Variants in SPTLC3 observed in about 807,000 individuals in gnomAD.
SPTLC3 encodes the protein serine palmitoyltransferase long chain base subunit 3, also known as serine palmitoyltransferase 3.
In SPTLC3, 36 loss-of-function variants were observed where a neutral mutation model predicts 59.3. That is an observed-to-expected ratio of 0.61 (90% confidence interval 0.47 to 0.80). The LOEUF (loss-of-function observed/expected upper bound fraction) is 0.80, where lower values mean the gene tolerates loss of function less well. SPTLC3 is among the 30% of genes least tolerant of loss of function. SPTLC3 has a pLI of 0.00. For synonymous variants in SPTLC3, 257 were observed against 240.8 expected (o/e 1.07, Z -0.62); for missense variants, 625 against 685.1 (o/e 0.91, Z 0.98).
In SPTLC3 at chr20:13,032,235, A is replaced by T. The variant is rs151244273; in HGVS notation, c.118-16710A>T. 3.3e-3 allele frequency among the ~76,000 whole-genome samples: 499 copies of T among 152,330 alleles called. 3 individuals are homozygous for T. The highest frequency in any genetic ancestry group is 0.011 in the African/African-American group (472 of 41,574). ...GTTATAAACAAGATCAGAATAATGC[A>T]GCCATTGCAGGATGGTGAAGGATAG... On this transcript the variant is annotated intron_variant, in intron 1 of 11. Transcript: ENST00000399002.
intron 6 of SPTLC3, among the ~76,000 whole-genome samples, chr20:13,098,586 A>G (rs1166473922): frequency 6.6e-6 from 1 of 152,222 alleles, no homozygotes; most frequent in Non-Finnish European, 1.5e-5. Flanking sequence ...AACATTCAGT[A>G]ACTTATTCTT....
At chr20:13,013,904 C>T (rs557751657) in intron 1 of SPTLC3, among the ~76,000 whole-genome samples, 2 of 152,272 alleles carry the variant, frequency 1.3e-5, no homozygotes, top group South Asian at 4.1e-4. Flanking sequence ...TGCTGCAGAT[C>T]AACTTGCCTG....
intron 6 of SPTLC3, among the ~76,000 whole-genome samples, chr20:13,107,341 A>G (rs1169514761): frequency 6.6e-6 from 1 of 152,232 alleles, no homozygotes; most frequent in Non-Finnish European, 1.5e-5. Context: ...GGGTTAAAAG[A>G]GGAAATAGTG....
At chr20:13,017,295 C>A (rs576354787) in intron 1 of SPTLC3, among the ~76,000 whole-genome samples, 10 of 152,278 alleles carry the variant, frequency 6.6e-5, no homozygotes, top group South Asian at 2.1e-4. Context: ...CATTAGTGAA[C>A]CTGTCACCTC....
At chr20:13,021,366 T>G (rs569462358) in intron 1 of SPTLC3, among the ~76,000 whole-genome samples, 2 of 152,332 alleles carry the variant, frequency 1.3e-5, no homozygotes, top group East Asian at 3.9e-4. Flanking sequence ...GACATTCTTC[T>G]TCAAAGGGTT....
intron 9 of SPTLC3, among the ~76,000 whole-genome samples, chr20:13,153,293 G>A (rs930140880): frequency 6.6e-6 from 1 of 152,106 alleles, no homozygotes; most frequent in Non-Finnish European, 1.5e-5. Flanking sequence ...ACACACTTAG[G>A]ACACAGGCTA....
chr20:13,119,093 G>C (rs961260962), intron 8 of SPTLC3, among the ~76,000 whole-genome samples: 11 of 152,306 alleles, frequency 7.2e-5, no homozygotes, highest in African/African-American at 2.4e-4. Flanking sequence ...CTAGACTGTC[G>C]AAGCAGTAGG....
In SPTLC3 at chr20:13,117,692, T is replaced by C. The variant is rs776586906; in HGVS notation, c.1119T>C (p.Phe373=). ...DVLMGTFTKS[F]GASGGYIAGR... Reference sequence around the variant, plus strand: ...TCATGGGCACATTCACCAAAAGTTTTGGAGCTTCAGGAGGTTACATAGCTG... The same window carrying C: ...TCATGGGCACATTCACCAAAAGTTTCGGAGCTTCAGGAGGTTACATAGCTG... The change falls in exon 8 of 12, where the codon TTT becomes TTC. Residue 373 remains phenylalanine, a synonymous_variant. Coordinates refer to ENST00000399002, the MANE Select transcript of SPTLC3 (RefSeq NM_018327.4). 1 of 1,613,498 alleles carries C rather than the reference T, an allele frequency of 6.2e-7. No individual in the cohort carries two copies. The highest frequency in any genetic ancestry group is 2.2e-5 in the East Asian group (1 of 44,858).
chr20:13,150,973 C>A (rs894527145), intron 9 of SPTLC3, among the ~76,000 whole-genome samples: 1 of 152,202 alleles, frequency 6.6e-6, no homozygotes, highest in African/African-American at 2.4e-5. Flanking sequence ...TAACATTTCT[C>A]TACACTGTGC....
chr20:13,013,156 G>A (rs1461368661), intron 1 of SPTLC3, among the ~76,000 whole-genome samples: 1 of 152,146 alleles, frequency 6.6e-6, no homozygotes, highest in African/African-American at 2.4e-5. Flanking sequence ...GAAGAGAAAG[G>A]ATTAAGCCAC....
At chr20:13,046,217 G>A (rs187979717) in intron 1 of SPTLC3, among the ~76,000 whole-genome samples, 52 of 152,100 alleles carry the variant, frequency 3.4e-4, no homozygotes, top group African/African-American at 9.9e-4. Flanking sequence ...GTACCTTATC[G>A]CATTCACCTT....
intron 9 of SPTLC3, among the ~76,000 whole-genome samples, chr20:13,132,144 C>G (rs918674585): frequency 2.6e-5 from 4 of 151,470 alleles, no homozygotes; most frequent in Non-Finnish European, 4.4e-5. Flanking sequence ...ATCCTCCTGT[C>G]CCTCTAATTC....
intron 4 of SPTLC3, among the ~76,000 whole-genome samples, chr20:13,080,833 T>C (rs553106261): frequency 6.6e-6 from 1 of 152,326 alleles, no homozygotes; most frequent in East Asian, 1.9e-4. Context: ...TTAAATATGT[T>C]CAAGAATAAT....
chr20:13,134,035 C>T (rs2038186512), intron 9 of SPTLC3, among the ~76,000 whole-genome samples: 1 of 152,178 alleles, frequency 6.6e-6, no homozygotes, highest in Admixed American at 6.5e-5. Flanking sequence ...ACTGTGAACA[C>T]ACATTCAGGT....
At chr20:13,056,438 T>C (rs1284859662) in intron 2 of SPTLC3, among the ~76,000 whole-genome samples, 1 of 145,362 alleles carries the variant, frequency 6.9e-6, no homozygotes, top group Non-Finnish European at 1.5e-5. Context: ...GTCCATAGAC[T>C]GACGCTTTAA....
chr20:13,146,001 A>G (rs2038501125), intron 9 of SPTLC3, among the ~76,000 whole-genome samples: 1 of 152,246 alleles, frequency 6.6e-6, no homozygotes, highest in Non-Finnish European at 1.5e-5. Context: ...CACTATTCAC[A>G]ATAGCAAAGA....
chr20:13,049,042 T>C lies in SPTLC3; in HGVS notation c.215T>C (p.Ile72Thr). Residue 72 changes from isoleucine (I) to threonine (T), a missense_variant, in exon 2 of 12, where the codon ATT (isoleucine) becomes ACT (threonine). Physicochemically the swap from Ile to Thr is moderately conservative, Grantham distance 89 (BLOSUM62 -1). Coordinates refer to ENST00000399002, the MANE Select transcript of SPTLC3 (RefSeq NM_018327.4). ...GTTTTCACTTACATGGGATATGGAA[T>C]TGGAACCCTGTTTGGCTATCTCAGA... ...VMVFTYMGYG[I>T]GTLFGYLRDF... The C allele has an allele frequency of 1.2e-6, 2 of 1,613,918 alleles. No homozygotes were observed. The highest frequency in any genetic ancestry group is 1.7e-6 in the Non-Finnish European group (2 of 1,179,902).
At chr20:13,134,995 A>G (rs2038210732) in intron 9 of SPTLC3, among the ~76,000 whole-genome samples, 1 of 152,210 alleles carries the variant, frequency 6.6e-6, no homozygotes, top group East Asian at 1.9e-4. Flanking sequence ...TGTGCCTCAC[A>G]ACAGTCACTC....
intron 1 of SPTLC3, among the ~76,000 whole-genome samples, chr20:13,037,307 C>T (rs1179442515): frequency 6.6e-6 from 1 of 152,126 alleles, no homozygotes; most frequent in Non-Finnish European, 1.5e-5. Flanking sequence ...TATGCTTTAC[C>T]CCCTGAGGCT....
Sources: allele counts gnomAD v4.1 joint callset (sites outside exome capture counted in the v4.1 genomes callset), GRCh38; gene constraint gnomAD v4.1.1; transcripts MANE v1.5; gene names NCBI Gene and HGNC (gene_info 2026-07-23, HGNC 2026-07-21).